Variants in KLHL18 observed in about 807,000 individuals in gnomAD.
KLHL18 encodes the protein kelch-like protein 18.
In KLHL18, 38 loss-of-function variants were observed where a neutral mutation model predicts 58.5. The observed-to-expected ratio is 0.65, with a 90% CI of 0.50 to 0.85. The LOEUF is 0.85. Among genes scored for constraint, KLHL18 ranks in the 40% least tolerant of loss-of-function variants. KLHL18 has a pLI of 0.00. For missense variants in KLHL18, 624 were observed against 778.4 expected, an observed-to-expected ratio of 0.80 and a Z score of 2.36; for synonymous variants, 303 against 301.9, an observed-to-expected ratio of 1.00 and a Z score of -0.04.
intron 1 of KLHL18, among the ~76,000 whole-genome samples, chr3:47,297,371 A>G (rs953138087): frequency 1.3e-5 from 2 of 152,220 alleles, no homozygotes; most frequent in African/African-American, 4.8e-5. Context: ...CAGTCAGGCC[A>G]TCAGCATTGA....
chr3:47,305,867 A>G (rs1247919089), intron 1 of KLHL18, among the ~76,000 whole-genome samples: 1 of 152,040 alleles, frequency 6.6e-6, no homozygotes, highest in Non-Finnish European at 1.5e-5. Context: ...TCAGTTGTCA[A>G]ATTTATGTGT....
At chr3:47,308,883 A>G (rs1000287465) in intron 1 of KLHL18, among the ~76,000 whole-genome samples, 6 of 151,954 alleles carry the variant, frequency 3.9e-5, no homozygotes, top group African/African-American at 1.5e-4. Context: ...AAGTGAACAA[A>G]GGTCTCTGGT....
At position 47,334,971 on chromosome 3, in the gene KLHL18, C is replaced by CA; in HGVS notation, c.898+153dup. On this transcript the variant is annotated intron_variant, in intron 6 of 9. Transcript: ENST00000232766. This position sits in a 1 kb window ranked among gnomAD's most constrained non-coding sequence, Gnocchi z 4.7. The stretch of plus-strand genomic sequence containing the variant: ...TTATACAATTGCTCTACAGTTAGAG[C>CA]ATGTCACATATTCATGCCATTGAAT... 4 of 772,576 alleles carry CA rather than the reference C, an allele frequency of 5.2e-6. No individual in the cohort carries two copies. Among genetic ancestry groups the CA allele is most frequent in the Non-Finnish European group, 8.1e-6 (4 of 491,870 alleles). 47.9% of individuals were successfully genotyped at this position (772,576 alleles called of 1,614,324 possible).
chr3:47,308,900 A>G (rs991386940), intron 1 of KLHL18, among the ~76,000 whole-genome samples: 2 of 152,154 alleles, frequency 1.3e-5, no homozygotes, highest in African/African-American at 4.8e-5. Context: ...TGGTTTTTCT[A>G]GGCAGAGGAC....
At position 47,343,890 on chromosome 3, in the gene KLHL18, G is replaced by A. The variant is rs9848550; in HGVS notation, c.1674G>A (p.Ala558=). Residue 558 remains alanine, a synonymous_variant, in exon 10 of 10, where the codon GCG becomes GCA. Coordinates refer to ENST00000232766, the MANE Select transcript of KLHL18 (RefSeq NM_025010.5). ...TDCWTFMAPM[A]CHEGGVGVGC... is the part of the protein sequence containing the mutation. ...GCTGGACATTCATGGCCCCCATGGC[G>A]TGCCATGAGGGAGGGGTCGGTGTGG... The A allele has an allele frequency of 1.1e-3, 1,704 of 1,614,120 alleles. 10 individuals carry two copies. In the African/African-American group the frequency reaches 0.015, roughly 14 times the overall value.
intron 8 of KLHL18, 81 bp from the exon 9 acceptor site, chr3:47,342,638 C>T: frequency 8.7e-7 from 1 of 1,144,946 alleles, no homozygotes; most frequent in Non-Finnish European, 1.3e-6. Context: ...GCACAGTTCA[C>T]CTAAACCCTG....
intron 1 of KLHL18, among the ~76,000 whole-genome samples, chr3:47,285,310 T>C (rs150916214): frequency 6.4e-4 from 97 of 152,348 alleles, no homozygotes; most frequent in Admixed American, 2.4e-3. Context: ...TGGTAGAAGA[T>C]GTTAAGGCCA....
intron 1 of KLHL18, among the ~76,000 whole-genome samples, chr3:47,316,386 G>T (rs1703422034): frequency 1.3e-5 from 2 of 151,146 alleles, no homozygotes; most frequent in African/African-American, 4.9e-5. Context: ...TCTTTGAGAG[G>T]CTGAGGTGGG....
At chr3:47,298,800 A>C (rs1184114877) in intron 1 of KLHL18, among the ~76,000 whole-genome samples, 1 of 152,186 alleles carries the variant, frequency 6.6e-6, no homozygotes, top group African/African-American at 2.4e-5. Context: ...GAAATCGTAG[A>C]GTTCGTGACC....
Position 47,334,552 on chromosome 3 carries a change from C to A in KLHL18, c.762-131C>A. ...CAGAACTCACCTGGTTTCTTTGAGA[C>A]CAGACCTTCCAGAAGGCTTCTCCTC... On this transcript the variant is annotated intron_variant, in intron 5 of 9. Transcript: ENST00000232766. This position sits in a 1 kb window ranked among gnomAD's most constrained non-coding sequence, Gnocchi z 4.7. 2 of 1,002,982 alleles carry A rather than the reference C, an allele frequency of 2.0e-6. No individual in the cohort carries two copies. The highest frequency in any genetic ancestry group is 3.0e-6 in the Non-Finnish European group (2 of 669,882). 62.1% of individuals were successfully genotyped at this position (1,002,982 alleles called of 1,614,324 possible).
intron 3 of KLHL18, among the ~76,000 whole-genome samples, chr3:47,325,592 C>CA (rs1703698414): frequency 6.6e-6 from 1 of 152,178 alleles, no homozygotes; most frequent in Non-Finnish European, 1.5e-5. Context: ...AGAGAAGCCA[C>CA]AATGCCATCA....
At chr3:47,328,570 G>T (rs1703778949) in intron 3 of KLHL18, among the ~76,000 whole-genome samples, 1 of 152,036 alleles carries the variant, frequency 6.6e-6, no homozygotes, top group African/African-American at 2.4e-5. Context: ...GGTTTCTCTA[G>T]CCCTGATGAG....
intron 4 of KLHL18, among the ~76,000 whole-genome samples, chr3:47,331,574 A>T (rs1703861717): frequency 6.6e-6 from 1 of 151,160 alleles, no homozygotes; most frequent in African/African-American, 2.4e-5. Context: ...CTGGGATTAC[A>T]GGTGTGCGCC....
At chr3:47,331,291 T>C (rs1703853322) in intron 4 of KLHL18, among the ~76,000 whole-genome samples, 1 of 151,574 alleles carries the variant, frequency 6.6e-6, no homozygotes, top group African/African-American at 2.4e-5. Context: ...CATGCCTGGC[T>C]AATTTTTATA....
chr3:47,292,351 G>A (rs1702807112), intron 1 of KLHL18, among the ~76,000 whole-genome samples: 1 of 151,966 alleles, frequency 6.6e-6, no homozygotes, highest in Non-Finnish European at 1.5e-5. Flanking sequence ...TCGCATGCCT[G>A]TAGTCCCAGC....
intron 1 of KLHL18, among the ~76,000 whole-genome samples, chr3:47,304,794 C>A (rs111860854): frequency 6.6e-6 from 1 of 152,010 alleles, no homozygotes; most frequent in African/African-American, 2.4e-5. Context: ...GAGGCCAAGG[C>A]GGGTGGATCA....
chr3:47,297,812 T>C (rs1206128874), intron 1 of KLHL18: 1 of 349,590 alleles, frequency 2.9e-6, no homozygotes, highest in African/African-American at 2.1e-5. Context: ...TTCCTTTCTT[T>C]GGGAAGAATA....
intron 1 of KLHL18, among the ~76,000 whole-genome samples, chr3:47,297,129 C>G (rs1049166949): frequency 5.9e-5 from 9 of 152,200 alleles, no homozygotes; most frequent in African/African-American, 1.4e-4. Context: ...TTCCTCACCC[C>G]CTTCCTGTGT....
At chr3:47,337,938 T>A (rs1395805254) in intron 7 of KLHL18, 1 of 152,278 alleles carries the variant, frequency 6.6e-6, no homozygotes, top group Non-Finnish European at 1.5e-5. Flanking sequence ...ACTTCCTTGC[T>A]TTGATGTTAC....
Sources: allele counts gnomAD v4.1 joint callset (sites outside exome capture counted in the v4.1 genomes callset), GRCh38; gene constraint gnomAD v4.1.1; non-coding constraint Gnocchi (gnomAD v3.1); transcripts MANE v1.5; gene names NCBI Gene and HGNC (gene_info 2026-07-23, HGNC 2026-07-21).